The following ZNF236 variants were observed in gnomAD, a reference collection of about 807,000 sequenced individuals.
The protein encoded by ZNF236 is regulated by glucose.
A neutral mutation model predicts 191.2 loss-of-function variants in ZNF236; 50 were observed. The observed-to-expected ratio is 0.26, with a 90% CI of 0.21 to 0.33. The LOEUF is 0.33. Ranked by LOEUF, ZNF236 falls within the 10% of genes least tolerant of loss-of-function variation. ZNF236 has a pLI of 1.00. For synonymous variants in ZNF236, 907 were observed against 928.8 expected (o/e 0.98, Z 0.43); for missense variants, 1,754 against 2,374.5 (o/e 0.74, Z 5.43).
chr18:76,922,847 G>A (rs959750335), intron 20 of ZNF236, among the ~76,000 whole-genome samples: 7 of 152,132 alleles, frequency 4.6e-5, no homozygotes, highest in African/African-American at 1.4e-4. Flanking sequence ...GTGAGCCACC[G>A]CTCCTGGCCC....
At chr18:76,847,476 T>A (rs1440685957) in intron 1 of ZNF236, among the ~76,000 whole-genome samples, 1 of 150,844 alleles carries the variant, frequency 6.6e-6, no homozygotes, top group Non-Finnish European at 1.5e-5. Flanking sequence ...ATTTATTTAT[T>A]TTTTTTTTAG....
At chr18:76,948,416 T>G (rs891239733) in intron 27 of ZNF236, among the ~76,000 whole-genome samples, 3 of 152,186 alleles carry the variant, frequency 2.0e-5, no homozygotes, top group African/African-American at 7.2e-5. Flanking sequence ...GAATTTCAGT[T>G]TGTATAACTT....
In ZNF236 at chr18:76,908,502, A is replaced by C. The variant is rs1967120848; in HGVS notation, c.2480A>C (p.Gln827Pro). 6.2e-7 allele frequency: 1 copy of C among 1,613,942 alleles called. No homozygotes were observed. The highest frequency in any genetic ancestry group is 1.3e-5 in the African/African-American group (1 of 74,958). ...NPEAMLDLEP[Q>P]HVVGTEEAGL... ...GAGGCCATGCTGGACCTGGAGCCTC[A>C]GCATGTGGTGGGCACGGAGGAAGCA... is the stretch of plus-strand genomic sequence containing the variant. Residue 827 changes from glutamine to proline, a missense_variant, in exon 14 of 31, where the codon CAG (glutamine) becomes CCG (proline). Coordinates refer to ENST00000320610, the MANE Select transcript of ZNF236 (RefSeq NM_001306089.2).
chr18:76,836,681 C>A (rs563587027), intron 1 of ZNF236, among the ~76,000 whole-genome samples: 24 of 150,422 alleles, frequency 1.6e-4, no homozygotes, highest in Non-Finnish European at 2.7e-4. Flanking sequence ...GGGTTCATGC[C>A]ATTCTCCTGC....
chr18:76,921,422 A>G (rs1384326178), intron 20 of ZNF236, among the ~76,000 whole-genome samples: 1 of 152,170 alleles, frequency 6.6e-6, no homozygotes, highest in Non-Finnish European at 1.5e-5. Context: ...GGAGGAGCTA[A>G]GGGGTTGTGA....
intron 3 of ZNF236, among the ~76,000 whole-genome samples, chr18:76,854,023 AG>A (rs1264682316): frequency 2.1e-4 from 32 of 151,596 alleles, no homozygotes; most frequent in Admixed American, 1.8e-3. Flanking sequence ...AAAAAAAAAA[AG>A]AAAAGAAAAG....
intron 16 of ZNF236, 59 bp from the exon 17 acceptor site, chr18:76,912,185 G>A: frequency 7.5e-7 from 1 of 1,340,848 alleles, no homozygotes; most frequent in Non-Finnish European, 1.1e-6. Flanking sequence ...CTGCTCAGTT[G>A]TTTTATGTTT....
At position 76,875,453 on chromosome 18, in the gene ZNF236, A is replaced by G. The variant is rs748872151; in HGVS notation, c.668-39A>G. On this transcript the variant is annotated intron_variant, in intron 5 of 30. Transcript: ENST00000320610. This position sits in a 1 kb window ranked among gnomAD's most constrained non-coding sequence, Gnocchi z 4.3. ...TTTCAATCCGTAAGATGCCCATACA[A>G]TATGGAATTATATTTTGATCATTTT... 4.1e-6 allele frequency: 6 copies of G among 1,448,792 alleles called. No individual in the cohort carries two copies. Among genetic ancestry groups the G allele is most frequent in the Non-Finnish European group, 3.7e-6 (4 of 1,091,008 alleles). The allele number at this position is 1,448,792 out of a possible 1,614,324, so 89.7% of individuals were successfully genotyped here.
intron 1 of ZNF236, among the ~76,000 whole-genome samples, chr18:76,840,630 T>TTC (rs1330587778): frequency 6.8e-6 from 1 of 147,120 alleles, no homozygotes; most frequent in Non-Finnish European, 1.5e-5. Flanking sequence ...GAATTTTTTT[T>TTC]TTTTTTTTTT....
intron 9 of ZNF236, among the ~76,000 whole-genome samples, chr18:76,890,922 GA>G (rs1394760275): frequency 6.6e-6 from 1 of 151,798 alleles, no homozygotes. Context: ...TCAACATGTA[GA>G]CAAAGAGAGG....
intron 27 of ZNF236, among the ~76,000 whole-genome samples, chr18:76,955,542 G>A (rs935145416): frequency 1.3e-4 from 20 of 152,186 alleles, no homozygotes; most frequent in Admixed American, 1.2e-3. Flanking sequence ...TCCATTAAAA[G>A]CTAGAAACAC....
chr18:76,832,004 T>G, intron 1 of ZNF236, among the ~76,000 whole-genome samples: 1 of 152,244 alleles, frequency 6.6e-6, no homozygotes. Context: ...TTAGTACTTT[T>G]CGGATCTATT....
intron 1 of ZNF236, among the ~76,000 whole-genome samples, chr18:76,843,939 G>T (rs561988596): frequency 6.6e-6 from 1 of 150,770 alleles, no homozygotes; most frequent in East Asian, 2.0e-4. Context: ...GCACAAGGAA[G>T]AAGGTAGAAG....
At chr18:76,842,728 G>T (rs1353779975) in intron 1 of ZNF236, among the ~76,000 whole-genome samples, 1 of 150,768 alleles carries the variant, frequency 6.6e-6, no homozygotes, top group African/African-American at 2.4e-5. Context: ...TCCAGCCTGG[G>T]CAACAAGAGT....
chr18:76,954,558 C>T (rs897172899), intron 27 of ZNF236, among the ~76,000 whole-genome samples: 2 of 152,194 alleles, frequency 1.3e-5, no homozygotes, highest in Admixed American at 6.5e-5. Flanking sequence ...GCATGTGTTT[C>T]TGTCATTTTT....
At chr18:76,937,097 C>A in intron 25 of ZNF236, 59 bp from the exon 26 acceptor site, 2 of 1,539,758 alleles carry the variant, frequency 1.3e-6, no homozygotes, top group South Asian at 1.2e-5. Context: ...CTCCCTATGC[C>A]CTTACACCTG....
chr18:76,969,045 AC>A lies in ZNF236; in HGVS notation c.*707del. On this transcript the variant is annotated 3_prime_UTR_variant, in exon 31 of 31. Transcript: ENST00000320610. ...AGCTGTCCACACGGGCTGGCGACAC[AC>A]TTACCGCATCAATCTGTGTTCAGGT... is the stretch of plus-strand genomic sequence containing the variant. 1 of 890,850 alleles carries A rather than the reference AC, an allele frequency of 1.1e-6. No homozygotes were observed. The highest frequency in any genetic ancestry group is 1.3e-6 in the Non-Finnish European group (1 of 743,254). The allele number at this position is 890,850 out of a possible 1,614,324, so 55.2% of individuals were successfully genotyped here. A position where few individuals can be genotyped will look rare whatever the true frequency, so the allele number is the denominator to read the frequency against.
At chr18:76,862,289 G>A (rs1047863543) in intron 3 of ZNF236, among the ~76,000 whole-genome samples, 4 of 152,186 alleles carry the variant, frequency 2.6e-5, no homozygotes, top group Admixed American at 1.3e-4. Flanking sequence ...ACTGGGAAAA[G>A]GTTGGTCCAA....
chr18:76,890,816 C>T (rs1339145026), intron 9 of ZNF236, among the ~76,000 whole-genome samples: 1 of 152,100 alleles, frequency 6.6e-6, no homozygotes, highest in Non-Finnish European at 1.5e-5. Context: ...TACTCCTAGA[C>T]AACACAAATT....
Sources: gnomAD v4.1 joint callset for allele counts (sites outside exome capture counted in the v4.1 genomes callset) on GRCh38, gnomAD v4.1.1 for gene constraint, Gnocchi (gnomAD v3.1) non-coding constraint, MANE v1.5 for transcripts, NCBI Gene and HGNC (gene_info 2026-07-23, HGNC 2026-07-21) for gene names.